Variants in GALNT18 observed in about 807,000 individuals in gnomAD.
GALNT18 encodes the protein GalNAc-transferase 18.
GALNT18 carries 44 observed loss-of-function variants against 69.5 expected under a neutral mutation model. The observed-to-expected ratio is 0.63, with a 90% CI of 0.50 to 0.81. GALNT18 has a LOEUF of 0.81. Ranked by LOEUF, GALNT18 falls within the 40% of genes least tolerant of loss-of-function variation. The probability of loss-of-function intolerance (pLI) is 0.00; values close to 1 mark genes in which losing one functional copy is unlikely to be tolerated. For missense variants in GALNT18, 715 were observed against 810.0 expected, an observed-to-expected ratio of 0.88 and a Z score of 1.42; for synonymous variants, 364 against 318.2, an observed-to-expected ratio of 1.14 and a Z score of -1.53.
chr11:11,279,196 A>T (rs1297126227), intron 10 of GALNT18, among the ~76,000 whole-genome samples: 4 of 152,190 alleles, frequency 2.6e-5, no homozygotes, highest in Non-Finnish European at 4.4e-5. Flanking sequence ...GCAAGCTCCC[A>T]ATTCATCTTC....
intron 6 of GALNT18, among the ~76,000 whole-genome samples, chr11:11,354,462 G>A (rs980361713): frequency 1.3e-5 from 2 of 152,168 alleles, no homozygotes; most frequent in Non-Finnish European, 2.9e-5. Flanking sequence ...TGCTGAACTG[G>A]TGACTTTAGG....
At chr11:11,410,054 T>C (rs1168188771) in intron 3 of GALNT18, among the ~76,000 whole-genome samples, 1 of 152,186 alleles carries the variant, frequency 6.6e-6, no homozygotes, top group East Asian at 1.9e-4. Flanking sequence ...CACCCTTCTT[T>C]GTCTCTCTGG....
intron 6 of GALNT18, among the ~76,000 whole-genome samples, chr11:11,349,150 T>G (rs1850354824): frequency 6.6e-6 from 1 of 152,244 alleles, no homozygotes; most frequent in Admixed American, 6.5e-5. Context: ...TCATTTATTT[T>G]CATCACCATA....
intron 9 of GALNT18, among the ~76,000 whole-genome samples, chr11:11,313,807 C>T (rs1348837524): frequency 1.3e-5 from 2 of 152,158 alleles, no homozygotes; most frequent in Non-Finnish European, 2.9e-5. Context: ...TTCAAAGGGC[C>T]ATTGAGAGTT....
chr11:11,324,199 G>T (rs962651942), intron 9 of GALNT18, among the ~76,000 whole-genome samples: 5 of 152,284 alleles, frequency 3.3e-5, no homozygotes, highest in African/African-American at 1.2e-4. Flanking sequence ...GTGGTTTAAG[G>T]CCTGTGATAT....
At chr11:11,482,320 G>A (rs1302869255) in intron 1 of GALNT18, among the ~76,000 whole-genome samples, 1 of 152,254 alleles carries the variant, frequency 6.6e-6, no homozygotes, top group East Asian at 1.9e-4. Flanking sequence ...CTGCCCTAGA[G>A]CTGTGCTCTT....
rs1373730537 is a variant in GALNT18, at chr11:11,469,487, T to C, written c.236-20551A>G. ...GAAGCCCCTGTCCTCTAGAGAGCAATCCCTGGTCCCCTGACCCCTAATTCA... is the reference window on the plus strand; with the variant it reads ...GAAGCCCCTGTCCTCTAGAGAGCAACCCCTGGTCCCCTGACCCCTAATTCA... On this transcript the variant is annotated intron_variant, in intron 1 of 10. Coordinates refer to ENST00000227756, the MANE Select transcript of GALNT18 (RefSeq NM_198516.3). This position sits in a 1 kb window ranked among gnomAD's most constrained non-coding sequence, Gnocchi z 4.2. 6.6e-6 allele frequency among the ~76,000 whole-genome samples: 1 copy of C among 152,186 alleles called. No homozygotes were observed.
chr11:11,324,352 G>A (rs566520173), intron 9 of GALNT18, among the ~76,000 whole-genome samples: 5 of 152,280 alleles, frequency 3.3e-5, no homozygotes, highest in Non-Finnish European at 5.9e-5. Flanking sequence ...CATGATCAAG[G>A]TTGTTCATAG....
intron 10 of GALNT18, among the ~76,000 whole-genome samples, chr11:11,277,007 A>G (rs1848964350): frequency 2.6e-5 from 4 of 152,184 alleles, no homozygotes; most frequent in Admixed American, 2.6e-4. Flanking sequence ...TTTTGGTATC[A>G]GGATGCTGCT....
chr11:11,388,085 G>A (rs1020765896), intron 3 of GALNT18, among the ~76,000 whole-genome samples: 1 of 152,166 alleles, frequency 6.6e-6, no homozygotes, highest in African/African-American at 2.4e-5. Flanking sequence ...CAGGGTTCAG[G>A]CACACAGTGT....
At chr11:11,275,468 T>C (rs1456704861) in intron 10 of GALNT18, among the ~76,000 whole-genome samples, 1 of 152,236 alleles carries the variant, frequency 6.6e-6, no homozygotes, top group African/African-American at 2.4e-5. Context: ...TGCCAAAGTT[T>C]TCTCTCATTC....
At chr11:11,568,034 A>C (rs1199145894) in intron 1 of GALNT18, among the ~76,000 whole-genome samples, 1 of 152,216 alleles carries the variant, frequency 6.6e-6, no homozygotes, top group African/African-American at 2.4e-5. Flanking sequence ...GATTTTGGCC[A>C]ACAGAGTGTG....
rs922696810 is a variant in GALNT18, at chr11:11,382,652, G to T, written c.596-3388C>A. ...GACAAATATAATGACTAATCACAAAGATTTTATCAGGATTTTTGCTGCCCT... is the reference window on the plus strand; with the variant it reads ...GACAAATATAATGACTAATCACAAATATTTTATCAGGATTTTTGCTGCCCT... On this transcript the variant is annotated intron_variant, in intron 3 of 10. Coordinates refer to ENST00000227756, the MANE Select transcript of GALNT18 (RefSeq NM_198516.3). The surrounding 1 kb of genome is among the most constrained non-coding windows in gnomAD (Gnocchi z 4.3). Among the ~76,000 whole-genome samples the T allele has an allele frequency of 1.3e-5, 2 of 152,188 alleles. No homozygotes were observed. The highest frequency in any genetic ancestry group is 3.9e-4 in the East Asian group (2 of 5,186).
At chr11:11,363,906 G>A (rs1386171459) in intron 6 of GALNT18, among the ~76,000 whole-genome samples, 1 of 150,886 alleles carries the variant, frequency 6.6e-6, no homozygotes, top group Non-Finnish European at 1.5e-5. Context: ...GAGTCAAAAG[G>A]ACCCATGGAC....
chr11:11,549,584 C>T (rs550804027), intron 1 of GALNT18, among the ~76,000 whole-genome samples: 2 of 152,338 alleles, frequency 1.3e-5, no homozygotes, highest in Admixed American at 1.3e-4. Context: ...TGCTGCTCCA[C>T]CCTTCTATCT....
Position 11,339,287 on chromosome 11 carries a change from A to G in GALNT18, c.1278+1532T>C, listed in dbSNP as rs908443139. Among the ~76,000 whole-genome samples the G allele has an allele frequency of 2.0e-5, 3 of 152,102 alleles. No homozygotes were observed. The highest frequency in any genetic ancestry group is 4.4e-5 in the Non-Finnish European group (3 of 68,020). On this transcript the variant is annotated intron_variant, in intron 7 of 10. Transcript: ENST00000227756. This position sits in a 1 kb window ranked among gnomAD's most constrained non-coding sequence, Gnocchi z 5.2. ...CCACCTTGAGGAGTCGCAGACAGACACTGAATTTCATCATTTTTCAATTAT... is the reference window on the plus strand; with the variant it reads ...CCACCTTGAGGAGTCGCAGACAGACGCTGAATTTCATCATTTTTCAATTAT...
At chr11:11,275,756 G>A (rs1333948579) in intron 10 of GALNT18, among the ~76,000 whole-genome samples, 1 of 152,294 alleles carries the variant, frequency 6.6e-6, no homozygotes, top group East Asian at 1.9e-4. Flanking sequence ...CATATGGCTA[G>A]CCAGTTTCCC....
At chr11:11,292,714 C>T (rs1294837452) in intron 10 of GALNT18, among the ~76,000 whole-genome samples, 1 of 152,126 alleles carries the variant, frequency 6.6e-6, no homozygotes, top group East Asian at 1.9e-4. Flanking sequence ...CAGGGGACTC[C>T]CATCTCTGAG....
intron 3 of GALNT18, among the ~76,000 whole-genome samples, chr11:11,395,805 C>T (rs78311463): frequency 1.7e-3 from 262 of 152,196 alleles, no homozygotes; most frequent in Admixed American, 2.9e-3. Context: ...GAAGATGGCA[C>T]GAAGGATGGA....
Sources: allele counts gnomAD v4.1 joint callset (sites outside exome capture counted in the v4.1 genomes callset), GRCh38; gene constraint gnomAD v4.1.1; non-coding constraint Gnocchi (gnomAD v3.1); transcripts MANE v1.5; gene names NCBI Gene and HGNC (gene_info 2026-07-23, HGNC 2026-07-21).